Variants in CHRNB2 observed in about 807,000 individuals in gnomAD.
CHRNB2 encodes cholinergic receptor nicotinic beta 2 subunit, also known as neuronal acetylcholine receptor subunit beta-2.
CHRNB2 carries 33 observed loss-of-function variants against 42.7 expected under a neutral mutation model. That is an observed-to-expected ratio of 0.77 (90% CI 0.59 to 1.03). The LOEUF is 1.03. Ranked by LOEUF, CHRNB2 falls within the 50% of genes least tolerant of loss-of-function variation. The pLI, the probability that CHRNB2 is intolerant of heterozygous loss-of-function variation, is 0.00. For synonymous variants in CHRNB2, 325 were observed against 292.9 expected, an observed-to-expected ratio of 1.11 and a Z score of -1.12; for missense variants, 603 against 700.9, an observed-to-expected ratio of 0.86 and a Z score of 1.58.
At position 154,575,762 on chromosome 1, in the gene CHRNB2, G is replaced by C; in HGVS notation, c.1339G>C (p.Val447Leu). Residue 447 changes from valine to leucine, a missense_variant and splice_region_variant, in exon 6 of 6, where the codon GTG becomes CTG. This residue lies in a region of CHRNB2 where 270 missense variants were observed against 248.3 expected (regional missense o/e 1.09). Transcript: ENST00000368476. Reference sequence around the variant, plus strand: ...GGCCTCCTCCGTCTCCTCCATCCAGGTGAGTGAGGACTGGAAGTACGTCGC... The same window carrying C: ...GGCCTCCTCCGTCTCCTCCATCCAGCTGAGTGAGGACTGGAAGTACGTCGC... ...HMRSEDDDQSVSEDWKYVAMV... is the reference protein window; with the variant it reads ...HMRSEDDDQSLSEDWKYVAMV... 6.2e-7 allele frequency: 1 copy of C among 1,614,078 alleles called. No individual in the cohort carries two copies. Among genetic ancestry groups the C allele is most frequent in the Non-Finnish European group, 8.5e-7 (1 of 1,179,994 alleles).
chr1:154,571,517 C>A lies in CHRNB2; in HGVS notation c.694C>A (p.Arg232Ser), dbSNP rs756406057. 1 of 1,613,806 alleles carries A rather than the reference C, an allele frequency of 6.2e-7. No homozygotes were observed. Among genetic ancestry groups the A allele is most frequent in the African/African-American group, 1.3e-5 (1 of 74,896 alleles). ...VDITYDFIIR[R>S]KPLFYTINLI... ...CATCACGTATGACTTCATCATTCGC[C>A]GCAAGCCGCTCTTCTACACCATCAA... The change falls in exon 5 of 6, where the codon CGC (arginine) becomes AGC (serine). Residue 232 changes from arginine (R) to serine (S), a missense_variant. Physicochemically the swap from Arg to Ser is moderately radical, Grantham distance 110. Transcript: ENST00000368476. This position sits in a 1 kb window ranked among gnomAD's most constrained non-coding sequence, Gnocchi z 6.8.
Sources: gnomAD v4.1 joint callset for allele counts on GRCh38, gnomAD v4.1.1 for gene constraint, gnomAD v4.1.1 regional missense constraint, Gnocchi (gnomAD v3.1) non-coding constraint, MANE v1.5 for transcripts, NCBI Gene and HGNC (gene_info 2026-07-23, HGNC 2026-07-21) for gene names.